Variants in SDK1 observed in about 807,000 individuals in gnomAD.
SDK1 encodes the protein protein sidekick-1.
Under a neutral mutation model 245.5 loss-of-function variants are expected in SDK1, and 157 were observed. The ratio of observed to expected loss-of-function variants is 0.64; its 90% CI spans 0.56 to 0.73. The LOEUF is 0.73. Among genes scored for constraint, SDK1 ranks in the 30% least tolerant of loss-of-function variants. The pLI is 0.00. For missense variants in SDK1, 3,583 were observed against 3,002.3 expected (o/e 1.19, Z -4.52); for synonymous variants, 1,647 against 1,278.5 (o/e 1.29, Z -6.15).
At chr7:3,619,769 C>T (rs1386501222) in intron 2 of SDK1, among the ~76,000 whole-genome samples, 8 of 152,172 alleles carry the variant, frequency 5.3e-5, no homozygotes, top group South Asian at 2.1e-4. Flanking sequence ...CTGCCATGTG[C>T]CCAGCACTGT....
intron 11 of SDK1, among the ~76,000 whole-genome samples, chr7:3,971,072 A>G (rs1222342329): frequency 6.6e-6 from 1 of 152,182 alleles, no homozygotes; most frequent in Admixed American, 6.5e-5. Context: ...CACAACTCAA[A>G]CAAAAACACT....
chr7:4,143,519 G>T (rs1263717949), intron 28 of SDK1, among the ~76,000 whole-genome samples: 2 of 152,170 alleles, frequency 1.3e-5, no homozygotes, highest in African/African-American at 2.4e-5. Context: ...CTGAGGCTGG[G>T]AGAGGCTGCA....
At chr7:4,161,751 C>T (rs1260020274) in intron 31 of SDK1, 35 bp from the exon 32 acceptor site, 3 of 1,590,496 alleles carry the variant, frequency 1.9e-6, no homozygotes, top group Non-Finnish European at 2.6e-6. Context: ...ATAACAACCA[C>T]CCTGACCCCC....
chr7:3,454,388 T>TTGTGCGTGTGTGTGTGTGTG (rs1780610170), intron 1 of SDK1, among the ~76,000 whole-genome samples: 1 of 141,686 alleles, frequency 7.1e-6, no homozygotes, highest in Non-Finnish European at 1.5e-5. Flanking sequence ...TCCCCAAGAT[T>TTGTGCGTGTGTGTGTGTGTG]TGTGTGTGTG....
intron 35 of SDK1, among the ~76,000 whole-genome samples, chr7:4,181,079 C>T (rs1379799379): frequency 1.3e-5 from 2 of 152,218 alleles, no homozygotes; most frequent in Non-Finnish European, 1.5e-5. Context: ...ACAGAAATCC[C>T]ATACCTATGA....
chr7:3,988,294 G>T (rs1784034672), intron 14 of SDK1, among the ~76,000 whole-genome samples: 1 of 151,416 alleles, frequency 6.6e-6, no homozygotes, highest in Admixed American at 6.6e-5. Context: ...TGCATCAGCA[G>T]TCCTATCAGT....
chr7:3,419,134 T>C (rs139259033), intron 1 of SDK1, among the ~76,000 whole-genome samples: 1 of 152,358 alleles, frequency 6.6e-6, no homozygotes, highest in African/African-American at 2.4e-5. Flanking sequence ...CCTGTGTTGT[T>C]CAAGGGTCAG....
rs567449306 is a variant in SDK1 at position 3,791,897 on chromosome 7, G to C, written c.714-29553G>C. 9.2e-5 allele frequency among the ~76,000 whole-genome samples: 14 copies of C among 152,212 alleles called. No homozygotes were observed. In the South Asian group the frequency reaches 2.9e-3, roughly 32 times the overall value. ...TCAGCGCTTAGGGAGGGTGAAGCGGGAGGGTCACCTGAGCCCAGGAGTTTG... is the reference window on the plus strand; with the variant it reads ...TCAGCGCTTAGGGAGGGTGAAGCGGCAGGGTCACCTGAGCCCAGGAGTTTG... On this transcript the variant is annotated intron_variant, in intron 4 of 44. Coordinates refer to ENST00000404826, the MANE Select transcript of SDK1 (RefSeq NM_152744.4).
chr7:4,186,805 G>A lies in SDK1; in HGVS notation c.5098+8219G>A, dbSNP rs111883554. Among the ~76,000 whole-genome samples, 40 of 152,260 alleles carry A rather than the reference G, an allele frequency of 2.6e-4. 1 individual carries two copies. The highest frequency in any genetic ancestry group is 6.5e-4 in the African/African-American group (27 of 41,570). On this transcript the variant is annotated intron_variant, in intron 35 of 44. Transcript: ENST00000404826. ...AGGTGCCTTGGAATCTCCTGGGCCC[G>A]TATAGACAGTGCGGGTACAGGCATG...
intron 5 of SDK1, among the ~76,000 whole-genome samples, chr7:3,937,879 C>T (rs1305422463): frequency 6.6e-6 from 1 of 152,128 alleles, no homozygotes; most frequent in Non-Finnish European, 1.5e-5. Context: ...ACTCTGTCGC[C>T]CAGACTGGAG....
intron 5 of SDK1, among the ~76,000 whole-genome samples, chr7:3,894,193 AC>A (rs1471227259): frequency 6.6e-6 from 1 of 152,246 alleles, no homozygotes; most frequent in Non-Finnish European, 1.5e-5. Context: ...ATTTTAATGT[AC>A]TACCGATGGT....
At chr7:4,175,733 C>G (rs1400834091) in intron 33 of SDK1, 42 bp from the exon 34 acceptor site, 1 of 1,552,260 alleles carries the variant, frequency 6.4e-7, no homozygotes, top group African/African-American at 1.4e-5. Context: ...ATGGCCGTGT[C>G]CCTGCGTGCT....
intron 37 of SDK1, among the ~76,000 whole-genome samples, chr7:4,208,637 T>C (rs1028181763): frequency 2.6e-5 from 4 of 152,084 alleles, no homozygotes; most frequent in African/African-American, 9.7e-5. Context: ...AAATGGAACT[T>C]CCCATCAGGG....
At chr7:3,619,390 G>A (rs1356141009) in intron 2 of SDK1, 151 bp downstream of exon 2, 4 of 646,950 alleles carry the variant, frequency 6.2e-6, no homozygotes, top group Middle Eastern at 4.2e-4. Context: ...TATGTAATTA[G>A]AATGTGATTT....
At chr7:3,886,098 C>T (rs1193725075) in intron 5 of SDK1, among the ~76,000 whole-genome samples, 1 of 152,200 alleles carries the variant, frequency 6.6e-6, no homozygotes, top group African/African-American at 2.4e-5. Context: ...ACCTGCAGCT[C>T]AGCCCCTCAG....
intron 20 of SDK1, 109 bp downstream of exon 20, chr7:4,068,045 C>T: frequency 1.3e-6 from 1 of 752,426 alleles, no homozygotes; most frequent in Non-Finnish European, 2.2e-6. Flanking sequence ...TGCCCATGGC[C>T]TTCTCAAGAG....
intron 2 of SDK1, among the ~76,000 whole-genome samples, chr7:3,633,148 T>C (rs1782349268): frequency 6.6e-6 from 1 of 152,208 alleles, no homozygotes; most frequent in Admixed American, 6.5e-5. Context: ...ACTTGGTTGC[T>C]TATTTTCATG....
chr7:3,391,397 G>C (rs906217670), intron 1 of SDK1, among the ~76,000 whole-genome samples: 13 of 152,112 alleles, frequency 8.5e-5, no homozygotes, highest in African/African-American at 3.1e-4. Context: ...ATTGCTGGAA[G>C]TAAAAGGATG....
At chr7:3,713,510 C>T (rs1196769977) in intron 4 of SDK1, among the ~76,000 whole-genome samples, 2 of 152,168 alleles carry the variant, frequency 1.3e-5, no homozygotes, top group Admixed American at 6.5e-5. Flanking sequence ...TATGTCTCTC[C>T]CCCACCCGCA....
Sources: allele counts gnomAD v4.1 joint callset (sites outside exome capture counted in the v4.1 genomes callset), GRCh38; gene constraint gnomAD v4.1.1; transcripts MANE v1.5; gene names NCBI Gene and HGNC (gene_info 2026-07-23, HGNC 2026-07-21).